FAT3: variants seen among roughly 807,000 people sequenced by gnomAD.
The protein encoded by FAT3 is protocadherin Fat 3.
In FAT3, 95 loss-of-function variants were observed where a neutral mutation model predicts 310.2. The observed-to-expected ratio is 0.31, with a 90% CI of 0.26 to 0.36. The LOEUF is 0.36. Ranked by LOEUF, FAT3 falls within the 10% of genes least tolerant of loss-of-function variation. The pLI, the probability that FAT3 is intolerant of heterozygous loss-of-function variation, is 1.00. For synonymous variants in FAT3, 2,314 were observed against 2,192.9 expected (o/e 1.06, Z -1.54); for missense variants, 5,408 against 5,715.6 (o/e 0.95, Z 1.74).
chr11:92,687,627 G>A (rs1943670069), intron 3 of FAT3, among the ~76,000 whole-genome samples: 1 of 152,066 alleles, frequency 6.6e-6, no homozygotes, highest in Admixed American at 6.5e-5. Context: ...GTTTGATGAA[G>A]GAAAATATAG....
chr11:92,255,332 GTT>G (rs1031470984), intron 1 of FAT3, among the ~76,000 whole-genome samples: 5 of 136,730 alleles, frequency 3.7e-5, no homozygotes, highest in Non-Finnish European at 4.8e-5. Flanking sequence ...TTATTTTAGG[GTT>G]TTTTTTTAAA....
At chr11:92,679,990 T>C (rs1312343164) in intron 3 of FAT3, among the ~76,000 whole-genome samples, 3 of 152,098 alleles carry the variant, frequency 2.0e-5, no homozygotes, top group African/African-American at 7.2e-5. Flanking sequence ...TTCTTGTATA[T>C]TCTGAATATT....
At chr11:92,259,843 G>A (rs1004395934) in intron 1 of FAT3, among the ~76,000 whole-genome samples, 3 of 152,130 alleles carry the variant, frequency 2.0e-5, no homozygotes, top group Non-Finnish European at 4.4e-5. Flanking sequence ...GCTTTTAAAG[G>A]AAGAGATTTT....
intron 2 of FAT3, among the ~76,000 whole-genome samples, chr11:92,370,797 T>A (rs1371286357): frequency 6.6e-6 from 1 of 152,170 alleles, no homozygotes; most frequent in South Asian, 2.1e-4. Context: ...TGCTCAAGGG[T>A]GATTATGCTA....
Position 92,778,907 on chromosome 11 carries a change from C to T in FAT3, c.4335+4727C>T, listed in dbSNP as rs544745440. On this transcript the variant is annotated intron_variant, in intron 7 of 27. Coordinates refer to ENST00000525166, the MANE Select transcript of FAT3 (RefSeq NM_001367949.2). Reference sequence around the variant, plus strand: ...AGCCTTGGACAGCAAACAGGAGATTCACTCTCTTTGAGAATTTTTTTTAAA... The same window carrying T: ...AGCCTTGGACAGCAAACAGGAGATTTACTCTCTTTGAGAATTTTTTTTAAA... 2.6e-5 allele frequency among the ~76,000 whole-genome samples: 4 copies of T among 152,178 alleles called. No individual in the cohort carries two copies. In the South Asian group the frequency reaches 8.3e-4, roughly 32 times the overall value.
intron 4 of FAT3, among the ~76,000 whole-genome samples, chr11:92,708,846 C>G (rs771511331): frequency 6.6e-6 from 1 of 152,248 alleles, no homozygotes; most frequent in African/African-American, 2.4e-5. Context: ...TGGCCACCAT[C>G]CACTTAAATA....
At chr11:92,673,853 A>C (rs1943205107) in intron 3 of FAT3, among the ~76,000 whole-genome samples, 1 of 152,118 alleles carries the variant, frequency 6.6e-6, no homozygotes, top group Non-Finnish European at 1.5e-5. Flanking sequence ...CAGGAGGATA[A>C]GATTGATAAG....
chr11:92,764,773 A>G, intron 5 of FAT3, 106 bp from the exon 6 acceptor site: 1 of 1,007,520 alleles, frequency 9.9e-7, no homozygotes, highest in Non-Finnish European at 1.4e-6. Context: ...CCTTGCTGAC[A>G]CTGTGTTGAA....
chr11:92,628,125 G>A (rs1399556874), intron 3 of FAT3, among the ~76,000 whole-genome samples: 5 of 152,158 alleles, frequency 3.3e-5, no homozygotes, highest in Non-Finnish European at 7.3e-5. Context: ...TGACCATAAT[G>A]GGCCATGAGC....
intron 2 of FAT3, among the ~76,000 whole-genome samples, chr11:92,486,631 G>A (rs978031964): frequency 2.0e-5 from 3 of 152,038 alleles, no homozygotes; most frequent in African/African-American, 7.2e-5. Flanking sequence ...TCCAGAATTA[G>A]TTACTGCAAT....
At chr11:92,580,341 A>G (rs561450858) in intron 3 of FAT3, among the ~76,000 whole-genome samples, 1 of 152,058 alleles carries the variant, frequency 6.6e-6, no homozygotes, top group African/African-American at 2.4e-5. Context: ...TTTTGACATT[A>G]TGTATGTTTG....
chr11:92,397,501 G>A (rs1025126529), intron 2 of FAT3, among the ~76,000 whole-genome samples: 1 of 152,030 alleles, frequency 6.6e-6, no homozygotes, highest in African/African-American at 2.4e-5. Context: ...TTGAAGCTTT[G>A]GCTGGGTTAA....
At chr11:92,788,819 A>G (rs12294710) in intron 7 of FAT3, among the ~76,000 whole-genome samples, 2 of 152,152 alleles carry the variant, frequency 1.3e-5, no homozygotes, top group Non-Finnish European at 2.9e-5. Flanking sequence ...TGTGGAAACT[A>G]AACAGAAAAT....
At chr11:92,409,807 C>T (rs1950213831) in intron 2 of FAT3, among the ~76,000 whole-genome samples, 1 of 152,068 alleles carries the variant, frequency 6.6e-6, no homozygotes. Context: ...TAGAAGTGAA[C>T]TTGTAGATTT....
rs1947226851 is a variant in FAT3, at chr11:92,798,172, C to T, written c.5159C>T (p.Ser1720Phe). The T allele has an allele frequency of 6.2e-7, 1 of 1,613,824 alleles. No homozygotes were observed. The highest frequency in any genetic ancestry group is 8.5e-7 in the Non-Finnish European group (1 of 1,179,868). ...GGGATCTTTACCATAAATCCATATT[C>T]TGGAGTCATCACCACTCAGAAGGCC... ...INGIFTINPYSGVITTQKALD... is the reference protein window; with the variant it reads ...INGIFTINPYFGVITTQKALD... The change falls in exon 10 of 28, where the codon TCT becomes TTT. Residue 1720 changes from serine (S) to phenylalanine (F), a missense_variant. Physicochemically the swap from Ser to Phe is radical, Grantham distance 155. Transcript: ENST00000525166.
intron 3 of FAT3, among the ~76,000 whole-genome samples, chr11:92,526,404 C>T (rs1953864129): frequency 6.6e-6 from 1 of 152,156 alleles, no homozygotes; most frequent in Non-Finnish European, 1.5e-5. Flanking sequence ...CTTCACATTT[C>T]ACAACCCAGT....
intron 3 of FAT3, among the ~76,000 whole-genome samples, chr11:92,529,964 GAAGAAATCCTCTTCAA>G (rs1412833252): frequency 6.6e-6 from 1 of 152,138 alleles, no homozygotes; most frequent in East Asian, 1.9e-4. Flanking sequence ...GACTTAGGAG[GAAGAAATCCTCTTCAA>G]AAGTGTGTGT....
At chr11:92,712,266 A>T (rs893005357) in intron 4 of FAT3, among the ~76,000 whole-genome samples, 1 of 152,066 alleles carries the variant, frequency 6.6e-6, no homozygotes, top group Non-Finnish European at 1.5e-5. Flanking sequence ...CACATCCCCC[A>T]TCAGTTCCAA....
chr11:92,442,111 A>ATATATT (rs1453396603), intron 2 of FAT3, among the ~76,000 whole-genome samples: 2 of 45,222 alleles, frequency 4.4e-5, no homozygotes, highest in African/African-American at 1.8e-4. Context: ...ATATATATAT[A>ATATATT]TTTTTTTTTT....
Sources: allele counts gnomAD v4.1 joint callset (sites outside exome capture counted in the v4.1 genomes callset), GRCh38; gene constraint gnomAD v4.1.1; transcripts MANE v1.5; gene names NCBI Gene and HGNC (gene_info 2026-07-23, HGNC 2026-07-21).